FAM193A: variants seen among roughly 807,000 people sequenced by gnomAD.
FAM193A encodes the protein family with sequence similarity 193 member A, also known as protein FAM193A.
Under a neutral mutation model 126.5 loss-of-function variants are expected in FAM193A, and 22 were observed. That is an observed-to-expected ratio of 0.17 (90% CI 0.12 to 0.25). The LOEUF is 0.25. Among genes scored for constraint, FAM193A ranks in the 10% least tolerant of loss-of-function variants. The probability of loss-of-function intolerance (pLI) is 1.00; values close to 1 mark genes in which losing one functional copy is unlikely to be tolerated. For missense variants in FAM193A, 1,675 were observed against 1,672.8 expected (o/e 1.00, Z -0.02); for synonymous variants, 761 against 646.8 (o/e 1.18, Z -2.68).
intron 20 of FAM193A, 115 bp from the exon 21 acceptor site, chr4:2,731,660 C>T (rs755413034): frequency 2.2e-5 from 17 of 777,938 alleles, no homozygotes; most frequent in Non-Finnish European, 3.7e-5. Flanking sequence ...AGAATCTAAA[C>T]CCCTGACCCC....
intron 13 of FAM193A, among the ~76,000 whole-genome samples, chr4:2,683,949 G>A (rs1041787518): frequency 1.3e-5 from 2 of 152,146 alleles, no homozygotes; most frequent in Non-Finnish European, 1.5e-5. Flanking sequence ...TGGCCGTGTC[G>A]TCTCCTGATG....
chr4:2,642,312 C>G (rs1469533752), intron 6 of FAM193A, among the ~76,000 whole-genome samples: 8 of 151,846 alleles, frequency 5.3e-5, no homozygotes, highest in African/African-American at 1.9e-4. Flanking sequence ...CAAAAAAACA[C>G]ACAAAAAAAT....
intron 2 of FAM193A, chr4:2,608,006 G>A: frequency 6.3e-7 from 1 of 1,595,404 alleles, no homozygotes; most frequent in African/African-American, 1.4e-5. Context: ...CCCCTGCTGG[G>A]GTGTGAATGT....
At chr4:2,615,154 CAAG>C (rs1271918444) in intron 2 of FAM193A, 1 of 152,170 alleles carries the variant, frequency 6.6e-6, no homozygotes, top group Non-Finnish European at 1.5e-5. Flanking sequence ...CAGTGGGAGT[CAAG>C]AAGGAACAAA....
intron 6 of FAM193A, among the ~76,000 whole-genome samples, chr4:2,643,922 A>C (rs943860682): frequency 6.6e-6 from 1 of 152,184 alleles, no homozygotes; most frequent in Non-Finnish European, 1.5e-5. Context: ...TTCACTTTAA[A>C]TATGTATTAA....
chr4:2,616,178 A>G (rs1409473783), intron 2 of FAM193A, among the ~76,000 whole-genome samples: 1 of 152,164 alleles, frequency 6.6e-6, no homozygotes, highest in East Asian at 1.9e-4. Context: ...GTTGTTATTT[A>G]CCATTTAGCA....
intron 2 of FAM193A, among the ~76,000 whole-genome samples, chr4:2,612,696 G>T (rs1371323419): frequency 6.6e-6 from 1 of 152,098 alleles, no homozygotes; most frequent in Non-Finnish European, 1.5e-5. Context: ...TTATCTCATT[G>T]AATTACCTTG....
intron 2 of FAM193A, among the ~76,000 whole-genome samples, chr4:2,598,566 G>T (rs1032060403): frequency 5.3e-5 from 8 of 152,230 alleles, no homozygotes; most frequent in African/African-American, 1.9e-4. Context: ...AAATGAGTTA[G>T]AATGTGTTCC....
At chr4:2,557,992 G>A (rs1037968258) in intron 1 of FAM193A, among the ~76,000 whole-genome samples, 22 of 152,044 alleles carry the variant, frequency 1.4e-4, no homozygotes, top group African/African-American at 5.3e-4. Context: ...GTACTACAAG[G>A]CTGGGCGCTA....
chr4:2,554,669 A>G (rs1419155426), intron 1 of FAM193A, among the ~76,000 whole-genome samples: 1 of 152,062 alleles, frequency 6.6e-6, no homozygotes, highest in Non-Finnish European at 1.5e-5. Flanking sequence ...CTGAAAGAGG[A>G]ATGTTGAAGT....
chr4:2,566,795 A>G (rs924280138), intron 1 of FAM193A, among the ~76,000 whole-genome samples: 2 of 152,182 alleles, frequency 1.3e-5, no homozygotes, highest in African/African-American at 4.8e-5. Context: ...TGGAAATGAA[A>G]TTTTGCAGCT....
intron 15 of FAM193A, among the ~76,000 whole-genome samples, 185 bp from the exon 16 acceptor site, chr4:2,693,401 C>T (rs959268572): frequency 7.2e-5 from 11 of 152,124 alleles, no homozygotes; most frequent in African/African-American, 2.2e-4. Context: ...AACTTGCAGA[C>T]GTTCGGCTAA....
intron 15 of FAM193A, among the ~76,000 whole-genome samples, chr4:2,691,265 G>A (rs1415354962): frequency 6.6e-6 from 1 of 152,152 alleles, no homozygotes; most frequent in African/African-American, 2.4e-5. Context: ...GCCCAGGCTG[G>A]AGTGCAGCAG....
chr4:2,633,462 C>A (rs142225096), intron 5 of FAM193A, among the ~76,000 whole-genome samples: 2 of 151,848 alleles, frequency 1.3e-5, no homozygotes, highest in Non-Finnish European at 2.9e-5. Flanking sequence ...AATGCATACA[C>A]CCAGAAGCTG....
intron 1 of FAM193A, among the ~76,000 whole-genome samples, chr4:2,584,928 A>G (rs1279536540): frequency 6.6e-6 from 1 of 152,158 alleles, no homozygotes; most frequent in African/African-American, 2.4e-5. Context: ...TGTCTCAAAA[A>G]AAGGAAAAAA....
chr4:2,537,526 C>A (rs1014548946), intron 1 of FAM193A, among the ~76,000 whole-genome samples: 2 of 152,254 alleles, frequency 1.3e-5, no homozygotes, highest in African/African-American at 4.8e-5. Context: ...GGCGCTTCGC[C>A]TTCCGCTGGA....
intron 19 of FAM193A, chr4:2,708,339 G>A: frequency 1.6e-5 from 4 of 246,880 alleles, no homozygotes; most frequent in Admixed American, 5.4e-5. Context: ...TGGTCAAGTT[G>A]GTCTACAACT....
At chr4:2,569,800 C>T (rs1450021036) in intron 1 of FAM193A, among the ~76,000 whole-genome samples, 1 of 152,202 alleles carries the variant, frequency 6.6e-6, no homozygotes, top group Non-Finnish European at 1.5e-5. Flanking sequence ...CCACTGCACC[C>T]AGCTGCTAAT....
intron 5 of FAM193A, among the ~76,000 whole-genome samples, chr4:2,634,558 T>G (rs534191057): frequency 6.6e-6 from 1 of 152,320 alleles, no homozygotes; most frequent in Non-Finnish European, 1.5e-5. Flanking sequence ...TAAAGAAGCT[T>G]TGTAAAAGTT....
Sources: gnomAD v4.1 joint callset for allele counts (sites outside exome capture counted in the v4.1 genomes callset) on GRCh38, gnomAD v4.1.1 for gene constraint, MANE v1.5 for transcripts, NCBI Gene and HGNC (gene_info 2026-07-23, HGNC 2026-07-21) for gene names.